RANBP2: variants seen among roughly 807,000 people sequenced by gnomAD.
The protein encoded by RANBP2 is RAN binding protein 2.
In RANBP2, 57 loss-of-function variants were observed where a neutral mutation model predicts 303.6. That is an observed-to-expected ratio of 0.19 (90% CI 0.15 to 0.23). The LOEUF (loss-of-function observed/expected upper bound fraction) is 0.23, where lower values mean the gene tolerates loss of function less well. RANBP2 is among the 10% of genes least tolerant of loss of function. The probability of loss-of-function intolerance (pLI) is 1.00; values close to 1 mark genes in which losing one functional copy is unlikely to be tolerated. For missense variants in RANBP2, 3,138 were observed against 3,780.8 expected, an observed-to-expected ratio of 0.83 and a Z score of 4.46; for synonymous variants, 1,167 against 1,301.5, an observed-to-expected ratio of 0.90 and a Z score of 2.23.
chr2:109,389,732 T>A, the RANBP2 span, among the ~76,000 whole-genome samples: 1 of 152,310 alleles, frequency 6.6e-6, no homozygotes, highest in Non-Finnish European at 1.5e-5. Context: ...TTTGGTCCAC[T>A]AGATAAATAC....
the RANBP2 span, among the ~76,000 whole-genome samples, chr2:109,652,368 A>G: frequency 5.6e-4 from 85 of 151,570 alleles, no homozygotes; most frequent in Middle Eastern, 3.4e-3. Flanking sequence ...GACTACAGGC[A>G]CCCGCCACCA....
At chr2:109,135,938 T>C in the RANBP2 span, among the ~76,000 whole-genome samples, 2 of 152,210 alleles carry the variant, frequency 1.3e-5, no homozygotes, top group African/African-American at 2.4e-5. Flanking sequence ...TCCTGCTCAG[T>C]TGCTGATCCA....
chr2:108,722,422 G>A (rs1360027381), intron 1 of RANBP2, among the ~76,000 whole-genome samples: 1 of 151,848 alleles, frequency 6.6e-6, no homozygotes, highest in African/African-American at 2.4e-5. Context: ...AAGAATGGAG[G>A]GAGAAGAGGC....
the RANBP2 span, among the ~76,000 whole-genome samples, chr2:109,061,278 T>C: frequency 6.6e-6 from 1 of 152,198 alleles, no homozygotes; most frequent in Non-Finnish European, 1.5e-5. Flanking sequence ...TTAGGCTGAA[T>C]GCCCTCTTGA....
At chr2:109,653,525 G>T in the RANBP2 span, among the ~76,000 whole-genome samples, 1,448 of 152,144 alleles carry the variant, frequency 9.5e-3, 20 homozygotes, top group African/African-American at 0.033. Flanking sequence ...CTTCCCACTG[G>T]ATCAGAAAGC....
chr2:109,734,460 A>C, the RANBP2 span, among the ~76,000 whole-genome samples: 4 of 152,208 alleles, frequency 2.6e-5, no homozygotes, highest in African/African-American at 9.6e-5. Flanking sequence ...GACAACTATA[A>C]AAGATAAAAA....
At chr2:108,977,091 G>A in the RANBP2 span, among the ~76,000 whole-genome samples, 1 of 152,106 alleles carries the variant, frequency 6.6e-6, no homozygotes, top group African/African-American at 2.4e-5. Context: ...TGATCAGGAC[G>A]CCAATAAGGA....
chr2:109,733,442 G>A, the RANBP2 span, among the ~76,000 whole-genome samples: 2 of 151,794 alleles, frequency 1.3e-5, no homozygotes, highest in East Asian at 3.9e-4. Flanking sequence ...GATAGAGTGT[G>A]TTTCTGGAAA....
the RANBP2 span, among the ~76,000 whole-genome samples, chr2:108,912,216 C>T: frequency 5.9e-5 from 9 of 152,322 alleles, no homozygotes; most frequent in African/African-American, 2.2e-4. Flanking sequence ...CTCTGAGAGA[C>T]ATATTAAACT....
the RANBP2 span, among the ~76,000 whole-genome samples, chr2:108,836,901 G>A: frequency 6.7e-6 from 1 of 150,136 alleles, no homozygotes; most frequent in African/African-American, 2.4e-5. Context: ...GTGATTTTTA[G>A]TATTGATTTT....
chr2:108,737,956 T>C (rs1373741460), intron 6 of RANBP2, among the ~76,000 whole-genome samples: 3 of 151,296 alleles, frequency 2.0e-5, no homozygotes, highest in Non-Finnish European at 4.4e-5. Flanking sequence ...CCTCGTGATC[T>C]GCCCTCCTCG....
the RANBP2 span, among the ~76,000 whole-genome samples, chr2:109,009,846 A>G: frequency 6.6e-6 from 1 of 151,782 alleles, no homozygotes; most frequent in African/African-American, 2.4e-5. Flanking sequence ...TCTTGATAAC[A>G]TGGATTTCAG....
the RANBP2 span, among the ~76,000 whole-genome samples, chr2:109,446,651 G>C: frequency 6.6e-6 from 1 of 152,184 alleles, no homozygotes; most frequent in Non-Finnish European, 1.5e-5. Flanking sequence ...AGGGGTGCTG[G>C]CACTGTGCCT....
At chr2:108,723,429 C>A (rs4012084) in intron 1 of RANBP2, among the ~76,000 whole-genome samples, 58 of 152,146 alleles carry the variant, frequency 3.8e-4, no homozygotes, top group South Asian at 1.0e-3. Context: ...CACCCGCCAC[C>A]ACACCCGGCT....
chr2:109,014,026 C>G, the RANBP2 span, among the ~76,000 whole-genome samples: 1 of 152,348 alleles, frequency 6.6e-6, no homozygotes, highest in South Asian at 2.1e-4. Flanking sequence ...GATAGTGCAA[C>G]AAGCCAGCTG....
chr2:109,279,677 T>C, the RANBP2 span, among the ~76,000 whole-genome samples: 1 of 152,248 alleles, frequency 6.6e-6, no homozygotes, highest in African/African-American at 2.4e-5. Context: ...AATTCTGTCA[T>C]TGGAATTTCC....
At chr2:108,972,071 G>A in the RANBP2 span, among the ~76,000 whole-genome samples, 2 of 152,220 alleles carry the variant, frequency 1.3e-5, no homozygotes, top group East Asian at 1.9e-4. Context: ...CAGCCCAGCC[G>A]ACTGCAGCCT....
At chr2:109,727,180 AC>A in the RANBP2 span, among the ~76,000 whole-genome samples, 1 of 152,198 alleles carries the variant, frequency 6.6e-6, no homozygotes, top group African/African-American at 2.4e-5. Flanking sequence ...TGACAAGAAA[AC>A]AAGCAATGTT....
chr2:109,312,654 T>C, the RANBP2 span, among the ~76,000 whole-genome samples: 1 of 152,244 alleles, frequency 6.6e-6, no homozygotes, highest in Non-Finnish European at 1.5e-5. Context: ...TAGCTTCTTT[T>C]ACTTCGTATT....
Sources: allele counts gnomAD v4.1 joint callset (sites outside exome capture counted in the v4.1 genomes callset), GRCh38; gene constraint gnomAD v4.1.1; transcripts MANE v1.5; gene names NCBI Gene and HGNC (gene_info 2026-07-23, HGNC 2026-07-21).